Variants in ZNF839 observed in about 807,000 individuals in gnomAD.
ZNF839 encodes zinc finger protein 839.
A neutral mutation model predicts 56.4 loss-of-function variants in ZNF839; 38 were observed. The observed-to-expected ratio is 0.67, with a 90% CI of 0.52 to 0.88. The LOEUF is 0.88. Among genes scored for constraint, ZNF839 ranks in the 40% least tolerant of loss-of-function variants. ZNF839 has a pLI of 0.00. For missense variants in ZNF839, 1,091 were observed against 1,177.6 expected (o/e 0.93, Z 1.08); for synonymous variants, 486 against 493.5 (o/e 0.98, Z 0.20).
At chr14:102,325,165 G>A (rs147938296) in intron 1 of ZNF839, among the ~76,000 whole-genome samples, 551 of 152,086 alleles carry the variant, frequency 3.6e-3, no homozygotes, top group Middle Eastern at 0.01. Context: ...AGACCAGCCT[G>A]GCCAACATGG....
rs1201452519 is a variant in ZNF839 at position 102,331,765 on chromosome 14, G to C, written c.1335G>C (p.Gln445His). Residue 445 changes from glutamine (Q) to histidine (H), a missense_variant, in exon 3 of 8, where the codon CAG (glutamine) becomes CAC (histidine). Gln to His is a conservative substitution (Grantham distance 24). Coordinates refer to ENST00000442396, the MANE Select transcript of ZNF839 (RefSeq NM_018335.6). ...AGTCCCGCACAGCTGTCCTCCAGCAGAGAAGAGCTGCTCAGCTACCTGGTG... is the reference window on the plus strand; with the variant it reads ...AGTCCCGCACAGCTGTCCTCCAGCACAGAAGAGCTGCTCAGCTACCTGGTG... ...LAESRTAVLQ[Q>H]RRAAQLPGGP... 2.5e-6 allele frequency: 4 copies of C among 1,601,040 alleles called. No individual in the cohort carries two copies. The highest frequency in any genetic ancestry group is 1.7e-6 in the Non-Finnish European group (2 of 1,174,086).
intron 1 of ZNF839, 107 bp downstream of exon 1, chr14:102,320,160 C>T (rs1185675983): frequency 2.1e-5 from 22 of 1,040,724 alleles, no homozygotes; most frequent in Non-Finnish European, 2.5e-5. Context: ...CGGGTTAAGA[C>T]TCAGGGCGTC....
Position 102,326,839 on chromosome 14 carries a change from AG to A in ZNF839, c.1147del (p.Ala383ProfsTer6). 1 of 1,609,998 alleles carries A rather than the reference AG, an allele frequency of 6.2e-7. No homozygotes were observed. The highest frequency in any genetic ancestry group is 8.5e-7 in the Non-Finnish European group (1 of 1,177,810). ...LSMPADPCEG[G>X]ARSCLVTESA... is the part of the protein sequence containing the mutation. ...CCATGCCAGCGGATCCATGTGAGGG[AG>A]GGGCCCGCTCCTGCTTGGTGACAGA... On this transcript the variant is annotated frameshift_variant, in exon 2 of 8. Transcript: ENST00000442396. LOFTEE classifies it high-confidence loss of function. The surrounding 1 kb of genome is among the most constrained non-coding windows in gnomAD (Gnocchi z 4.3).
intron 7 of ZNF839, among the ~76,000 whole-genome samples, chr14:102,340,384 G>A (rs572433904): frequency 1.8e-4 from 28 of 151,612 alleles, no homozygotes; most frequent in African/African-American, 6.8e-4. Context: ...CAATTCTCCT[G>A]CCTCAGCCTC....
intron 2 of ZNF839, among the ~76,000 whole-genome samples, chr14:102,330,410 T>G: frequency 6.6e-6 from 1 of 151,868 alleles, no homozygotes. Context: ...TTTTTTGTAT[T>G]TTTAGTAGAG....
At chr14:102,337,092 G>A (rs1319372688) in intron 5 of ZNF839, 1 of 151,992 alleles carries the variant, frequency 6.6e-6, no homozygotes, top group Non-Finnish European at 1.5e-5. Context: ...ATTCATTTTT[G>A]TTTGTGGTGG....
intron 2 of ZNF839, among the ~76,000 whole-genome samples, chr14:102,327,362 A>G (rs1055702139): frequency 3.6e-4 from 55 of 151,926 alleles, no homozygotes; most frequent in African/African-American, 1.2e-3. Flanking sequence ...GCTGGTCTTG[A>G]ACTCCTGACC....
chr14:102,325,941 A>G, intron 1 of ZNF839, 44 bp from the exon 2 acceptor site: 3 of 1,578,340 alleles, frequency 1.9e-6, no homozygotes, highest in Non-Finnish European at 2.6e-6. Context: ...ACATGTTCAT[A>G]AGCACAATGC....
At chr14:102,322,517 C>T (rs535318863) in intron 1 of ZNF839, among the ~76,000 whole-genome samples, 5 of 152,274 alleles carry the variant, frequency 3.3e-5, no homozygotes, top group African/African-American at 7.2e-5. Flanking sequence ...CTGGCTTTGC[C>T]GCTGTGGTTA....
chr14:102,321,202 A>G (rs1282870949), intron 1 of ZNF839, among the ~76,000 whole-genome samples: 1 of 152,354 alleles, frequency 6.6e-6, no homozygotes, highest in Non-Finnish European at 1.5e-5. Context: ...GCAAGGTGCC[A>G]TCTGGGGGCA....
At chr14:102,334,522 A>AT (rs778744013) in intron 3 of ZNF839, 32 bp from the exon 4 acceptor site, 1 of 1,520,764 alleles carries the variant, frequency 6.6e-7, no homozygotes, top group African/African-American at 1.4e-5. Flanking sequence ...CTTACGGGAC[A>AT]TTCAAAGGCA....
intron 2 of ZNF839, among the ~76,000 whole-genome samples, chr14:102,328,375 A>AAAAATAT (rs1197718891): frequency 6.7e-4 from 11 of 16,344 alleles, no homozygotes; most frequent in Admixed American, 9.0e-4. Flanking sequence ...AAAAAAAAAA[A>AAAAATAT]ATATATATAT....
At chr14:102,322,601 GTCTT>G (rs1567282731) in intron 1 of ZNF839, among the ~76,000 whole-genome samples, 1 of 152,122 alleles carries the variant, frequency 6.6e-6, no homozygotes, top group African/African-American at 2.4e-5. Flanking sequence ...TTGAGACAGG[GTCTT>G]TCTTTCTCAC....
In ZNF839 at chr14:102,319,792, G is replaced by A; in HGVS notation, c.27G>A (p.Gly9=). ...TGGCGGATGCGGAGCCGGAGGCTGG[G>A]GGCGGCAGCGAGGATGGCGGCGGCG... MADAEPEA[G]GGSEDGGGGG... Residue 9 remains glycine, a synonymous_variant, in exon 1 of 8, where the codon GGG becomes GGA. Transcript: ENST00000442396. This position sits in a 1 kb window ranked among gnomAD's most constrained non-coding sequence, Gnocchi z 4.5. 8.1e-7 allele frequency: 1 copy of A among 1,232,608 alleles called. No homozygotes were observed. Among genetic ancestry groups the A allele is most frequent in the Non-Finnish European group, 1.0e-6 (1 of 988,466 alleles). The allele number at this position is 1,232,608 out of a possible 1,614,324, so 76.4% of individuals were successfully genotyped here.
rs956692517 is a variant in ZNF839 at position 102,326,253 on chromosome 14, A to G, written c.557A>G (p.Gln186Arg). Reference sequence around the variant, plus strand: ...GTACAGAGACCACTGCCAGCCCTCCAGGTGGTCCCTGCAAAGAGAGTCCCA... The same window carrying G: ...GTACAGAGACCACTGCCAGCCCTCCGGGTGGTCCCTGCAAAGAGAGTCCCA... ...GFVQRPLPAL[Q>R]VVPAKRVPAP... Residue 186 changes from glutamine to arginine, a missense_variant, in exon 2 of 8, where the codon CAG becomes CGG. This residue lies in a region of ZNF839 where 614 missense variants were observed against 629.2 expected (regional missense o/e 0.98). Transcript: ENST00000442396. The surrounding 1 kb of genome is among the most constrained non-coding windows in gnomAD (Gnocchi z 4.3). 1 of 1,613,868 alleles carries G rather than the reference A, an allele frequency of 6.2e-7. No homozygotes were observed. Among genetic ancestry groups the G allele is most frequent in the Non-Finnish European group, 8.5e-7 (1 of 1,179,836 alleles).
At chr14:102,340,492 G>C (rs1271767613) in intron 7 of ZNF839, among the ~76,000 whole-genome samples, 1 of 151,466 alleles carries the variant, frequency 6.6e-6, no homozygotes, top group South Asian at 2.1e-4. Flanking sequence ...GGCTGGTCTT[G>C]AACTCCTGAC....
At chr14:102,325,611 C>T (rs1222048697) in intron 1 of ZNF839, among the ~76,000 whole-genome samples, 1 of 152,020 alleles carries the variant, frequency 6.6e-6, no homozygotes, top group Non-Finnish European at 1.5e-5. Flanking sequence ...TCTCATGCCT[C>T]AGCCTCCTGA....
chr14:102,337,290 T>A (rs775031912), intron 5 of ZNF839: 3 of 152,154 alleles, frequency 2.0e-5, no homozygotes, highest in Non-Finnish European at 2.9e-5. Flanking sequence ...CACCTCAGCC[T>A]CCTGAGTAGC....
At chr14:102,319,554 A>G, upstream of ZNF839, 1 of 523,210 alleles carries the variant, frequency 1.9e-6, no homozygotes, top group Non-Finnish European at 2.9e-6. The surrounding 1 kb of genome is among the most constrained non-coding windows in gnomAD (Gnocchi z 4.5). Flanking sequence ...GGCAATAAGG[A>G]AAATAAGGGG....
Sources: allele counts gnomAD v4.1 joint callset (sites outside exome capture counted in the v4.1 genomes callset), GRCh38; gene constraint gnomAD v4.1.1; regional missense constraint gnomAD v4.1.1; non-coding constraint Gnocchi (gnomAD v3.1); transcripts MANE v1.5; gene names NCBI Gene and HGNC (gene_info 2026-07-23, HGNC 2026-07-21).